ICE2: variants seen among roughly 807,000 people sequenced by gnomAD.
The protein encoded by ICE2 is little elongation complex subunit 2.
Under a neutral mutation model 105.4 loss-of-function variants are expected in ICE2, and 87 were observed. The observed-to-expected ratio is 0.83, with a 90% CI of 0.69 to 0.99. The LOEUF is 0.99. Among genes scored for constraint, ICE2 ranks in the 50% least tolerant of loss-of-function variants. The pLI is 0.00. For synonymous variants in ICE2, 399 were observed against 392.0 expected (o/e 1.02, Z -0.21); for missense variants, 1,323 against 1,146.7 (o/e 1.15, Z -2.22).
intron 11 of ICE2, 46 bp from the exon 12 acceptor site, chr15:60,442,591 T>C: frequency 6.8e-7 from 1 of 1,460,946 alleles, no homozygotes; most frequent in Non-Finnish European, 9.3e-7. Context: ...TAATTTACTA[T>C]TAATAGCAAA....
At chr15:60,473,154 G>A (rs1011923305) in intron 3 of ICE2, among the ~76,000 whole-genome samples, 1 of 151,980 alleles carries the variant, frequency 6.6e-6, no homozygotes, top group Non-Finnish European at 1.5e-5. Context: ...TGTTGCCCGG[G>A]CTGGTCTTGA....
At chr15:60,440,391 G>A (rs756141557) in intron 12 of ICE2, 1 of 152,202 alleles carries the variant, frequency 6.6e-6, no homozygotes, top group African/African-American at 2.4e-5. Flanking sequence ...ATGAGACTAT[G>A]TGGGAAACTG....
Position 60,477,931 on chromosome 15 carries a change from A to G in ICE2, c.41+6T>C, listed in dbSNP as rs1472396678. The G allele has an allele frequency of 6.2e-7, 1 of 1,613,346 alleles. No individual in the cohort carries two copies. The highest frequency in any genetic ancestry group is 2.2e-5 in the East Asian group (1 of 44,882). Reference sequence around the variant, plus strand: ...TTCAGTGGATTACAAAGTGGCTACAACTCACCAATTCAGTCCTGGTTCACT... The same window carrying G: ...TTCAGTGGATTACAAAGTGGCTACAGCTCACCAATTCAGTCCTGGTTCACT... On this transcript the variant is annotated splice_donor_region_variant and intron_variant, in intron 2 of 15. Transcript: ENST00000261520.
At position 60,442,403 on chromosome 15, in the gene ICE2, T is replaced by C. The variant is rs2063737186; in HGVS notation, c.2425+13A>G. The C allele has an allele frequency of 1.3e-6, 2 of 1,576,102 alleles. No homozygotes were observed. The highest frequency in any genetic ancestry group is 4.6e-5 in the East Asian group (2 of 43,848). ...AAATTAAAAAGGAGAATAAAGACTTTTGTATAACTTACCAACATAAAATGA... is the reference window on the plus strand; with the variant it reads ...AAATTAAAAAGGAGAATAAAGACTTCTGTATAACTTACCAACATAAAATGA... On this transcript the variant is annotated intron_variant, in intron 12 of 15. Transcript: ENST00000261520.
chr15:60,445,633 A>G, intron 11 of ICE2: 1 of 981,940 alleles, frequency 1.0e-6, no homozygotes, highest in South Asian at 4.7e-5. Context: ...TTTCTTCTAT[A>G]AGGTTATGTC....
At chr15:60,433,087 GTT>G (rs771963122) in intron 13 of ICE2, among the ~76,000 whole-genome samples, 3 of 144,552 alleles carry the variant, frequency 2.1e-5, no homozygotes, top group Non-Finnish European at 3.1e-5. Flanking sequence ...TAAAACACAG[GTT>G]TTTTTTTTTT....
At chr15:60,472,334 CAAG>C (rs990165790) in intron 3 of ICE2, among the ~76,000 whole-genome samples, 5 of 151,606 alleles carry the variant, frequency 3.3e-5, no homozygotes, top group Admixed American at 6.6e-5. Flanking sequence ...TGTTTTTCAA[CAAG>C]AAAACAGTTG....
intron 15 of ICE2, among the ~76,000 whole-genome samples, chr15:60,424,714 T>C (rs1252568942): frequency 1.3e-5 from 2 of 152,174 alleles, no homozygotes; most frequent in Non-Finnish European, 1.5e-5. Context: ...TCACCATGTT[T>C]AGGCTGGTCT....
chr15:60,477,470 C>A (rs1486769807), intron 2 of ICE2, among the ~76,000 whole-genome samples: 1 of 152,182 alleles, frequency 6.6e-6, no homozygotes, highest in Non-Finnish European at 1.5e-5. Flanking sequence ...GGCTACAAAA[C>A]CACTATATTA....
At position 60,453,101 on chromosome 15, in the gene ICE2, G is replaced by A. The variant is rs568246822; in HGVS notation, c.1125+502C>T. ...CAAAAAATTAGCTGGGTATGGTGGT[G>A]CACACCTGTAATCTCAGCTACTCGG... On this transcript the variant is annotated intron_variant, in intron 9 of 15. Transcript: ENST00000261520. 5.5e-4 allele frequency: 325 copies of A among 592,230 alleles called. 1 individual carries two copies. Among genetic ancestry groups the A allele is most frequent in the Non-Finnish European group, 6.4e-4 (300 of 471,092 alleles). The allele number at this position is 592,230 out of a possible 1,614,324, so 36.7% of individuals were successfully genotyped here.
At chr15:60,450,773 T>C (rs568334316) in intron 9 of ICE2, among the ~76,000 whole-genome samples, 1 of 152,234 alleles carries the variant, frequency 6.6e-6, no homozygotes, top group South Asian at 2.1e-4. Context: ...AAAGATTAAG[T>C]GAGAAATTAT....
chr15:60,457,758 T>A (rs1026141676), intron 5 of ICE2, among the ~76,000 whole-genome samples: 21 of 152,188 alleles, frequency 1.4e-4, no homozygotes, highest in African/African-American at 5.1e-4. Flanking sequence ...TCTATTTAAT[T>A]CATGGTATCA....
intron 15 of ICE2, among the ~76,000 whole-genome samples, chr15:60,424,420 A>ATGGGCAAAGGGGAAGAGGGGGATTACAG (rs56371232): frequency 1.3e-5 from 2 of 149,336 alleles, no homozygotes; most frequent in South Asian, 2.1e-4. Flanking sequence ...AATACAGAGG[A>ATGGGCAAAGGGGAAGAGGGGGATTACAG]TGGGGGAAGG....
chr15:60,456,630 CT>C, intron 6 of ICE2, 26 bp downstream of exon 6: 1 of 1,410,006 alleles, frequency 7.1e-7, no homozygotes, highest in Non-Finnish European at 9.5e-7. Context: ...CAAAAAAAAG[CT>C]TATATCGTCT....
At chr15:60,436,276 GAAA>G in intron 12 of ICE2, 49 bp from the exon 13 acceptor site, 1 of 486,582 alleles carries the variant, frequency 2.1e-6, no homozygotes, top group Non-Finnish European at 3.3e-6. Context: ...GCAGTATTTA[GAAA>G]AAAAAAAAAC....
Position 60,431,952 on chromosome 15 carries a change from A to G in ICE2, c.2543T>C (p.Ile848Thr), listed in dbSNP as rs79167237. The change falls in exon 14 of 16, where the codon ATT (isoleucine) becomes ACT (threonine). Residue 848 changes from isoleucine (I) to threonine (T), a missense_variant. By Grantham distance (89) the Ile-to-Thr change is moderately conservative. Coordinates refer to ENST00000261520, the MANE Select transcript of ICE2 (RefSeq NM_024611.6). The stretch of plus-strand genomic sequence containing the variant: ...TACTTACCTACTTAGTTTCTTTAGA[A>G]TGTGTTGGAGGATGTTAAATAAATT... Reference protein sequence around the residue: ...ISNLFNILQHILKKLSSLQEG... With the variant: ...ISNLFNILQHTLKKLSSLQEG... 3.0e-4 allele frequency: 418 copies of G among 1,388,862 alleles called. 1 individual carries two copies. The highest frequency in any genetic ancestry group is 3.9e-4 in the Non-Finnish European group (384 of 994,050). The allele number at this position is 1,388,862 out of a possible 1,614,324, so 86.0% of individuals were successfully genotyped here.
At position 60,421,222 on chromosome 15, in the gene ICE2, T is replaced by TG. The variant is rs2063240102; in HGVS notation, c.*2411dup. The TG allele has an allele frequency of 6.7e-6, 1 of 149,898 alleles. No homozygotes were observed. The highest frequency in any genetic ancestry group is 2.5e-5 in the African/African-American group (1 of 40,792). 9.3% of individuals were successfully genotyped at this position (149,898 alleles called of 1,614,324 possible). A position where few individuals can be genotyped will look rare whatever the true frequency, so the allele number is the denominator to read the frequency against. On this transcript the variant is annotated 3_prime_UTR_variant, in exon 16 of 16. Transcript: ENST00000261520. Reference sequence around the variant, plus strand: ...CTGATTTAAAAAAAAAAAAAAAACTTGCTCATTTTTTGAGATAGGGTCTTG... The same window carrying TG: ...CTGATTTAAAAAAAAAAAAAAAACTTGGCTCATTTTTTGAGATAGGGTCTTG...
At chr15:60,451,543 G>T in intron 9 of ICE2, 4 of 980,868 alleles carry the variant, frequency 4.1e-6, no homozygotes, top group Non-Finnish European at 4.8e-6. Flanking sequence ...ACATAAATTA[G>T]ACTAATAGAC....
At chr15:60,463,001 C>T (rs991366376) in intron 5 of ICE2, among the ~76,000 whole-genome samples, 1 of 152,030 alleles carries the variant, frequency 6.6e-6, no homozygotes, top group Non-Finnish European at 1.5e-5. Context: ...TTTGTCACAA[C>T]GTACAGCATT....
Sources: allele counts gnomAD v4.1 joint callset (sites outside exome capture counted in the v4.1 genomes callset), GRCh38; gene constraint gnomAD v4.1.1; transcripts MANE v1.5; gene names NCBI Gene and HGNC (gene_info 2026-07-23, HGNC 2026-07-21).